The following PAPPA2 variants were observed in gnomAD, a reference collection of about 807,000 sequenced individuals.
PAPPA2 encodes pappalysin 2, also known as pappalysin-2.
PAPPA2 carries 86 observed loss-of-function variants against 176.4 expected under a neutral mutation model. That is an observed-to-expected ratio of 0.49 (90% CI 0.41 to 0.58). The LOEUF is 0.58. Ranked by LOEUF, PAPPA2 falls within the 20% of genes least tolerant of loss-of-function variation. PAPPA2 has a pLI of 0.00. For missense variants in PAPPA2, 2,073 were observed against 2,256.9 expected, an observed-to-expected ratio of 0.92 and a Z score of 1.65; for synonymous variants, 809 against 852.2, an observed-to-expected ratio of 0.95 and a Z score of 0.88.
chr1:176,647,048 G>A (rs984116312), intron 3 of PAPPA2, among the ~76,000 whole-genome samples: 1 of 151,396 alleles, frequency 6.6e-6, no homozygotes, highest in African/African-American at 2.4e-5. Context: ...ACAGTTCCCT[G>A]TTCTCCATAC....
chr1:176,690,339 T>A lies in PAPPA2; in HGVS notation c.2340T>A (p.Ser780Arg), dbSNP rs762352205. The A allele has an allele frequency of 4.3e-6, 7 of 1,613,952 alleles. No homozygotes were observed. Among genetic ancestry groups the A allele is most frequent in the South Asian group, 2.2e-5 (2 of 91,066 alleles). The change falls in exon 5 of 23, where the codon AGT becomes AGA. Residue 780 changes from serine (S) to arginine (R), a missense_variant. Physicochemically the swap from Ser to Arg is moderately radical, Grantham distance 110. Transcript: ENST00000367662. ...LCADTAPTPK[S>R]ELCREPEPTS... ...CCGACACCGCCCCCACTCCCAAGAG[T>A]GAGCTGTGCCGGGAACCAGAGCCCA...
chr1:176,736,011 C>T (rs10913245), intron 12 of PAPPA2, among the ~76,000 whole-genome samples: 34,231 of 151,884 alleles, frequency 0.23, 4,535 homozygotes, highest in African/African-American at 0.36. Flanking sequence ...TTTGTTAAAA[C>T]GAATAGTAAA....
chr1:176,639,075 T>C (rs1177911269), intron 3 of PAPPA2, among the ~76,000 whole-genome samples: 1 of 151,740 alleles, frequency 6.6e-6, no homozygotes. Context: ...AAATAAAAGA[T>C]GAGGCTAAAC....
chr1:176,771,736 C>T (rs772961619), intron 17 of PAPPA2, among the ~76,000 whole-genome samples: 1 of 152,192 alleles, frequency 6.6e-6, no homozygotes, highest in Non-Finnish European at 1.5e-5. Context: ...TTTCTCCTTT[C>T]TTCTTCCTGA....
intron 1 of PAPPA2, among the ~76,000 whole-genome samples, chr1:176,504,043 TA>T (rs1478082710): frequency 6.6e-6 from 1 of 152,154 alleles, no homozygotes; most frequent in East Asian, 1.9e-4. Flanking sequence ...CTCTGGAAAC[TA>T]TGAAGAACTT....
chr1:176,737,302 G>A (rs1662464108), intron 12 of PAPPA2, among the ~76,000 whole-genome samples: 1 of 151,918 alleles, frequency 6.6e-6, no homozygotes, highest in Admixed American at 6.6e-5. Flanking sequence ...TTTCTGCCTG[G>A]CTTACTCTCT....
At chr1:176,678,540 A>G (rs1264312486) in intron 4 of PAPPA2, among the ~76,000 whole-genome samples, 2 of 152,070 alleles carry the variant, frequency 1.3e-5, no homozygotes, top group African/African-American at 2.4e-5. Flanking sequence ...ACTGTTAAAC[A>G]TCAGCCTAAG....
intron 2 of PAPPA2, among the ~76,000 whole-genome samples, chr1:176,560,814 A>G (rs1414644547): frequency 6.6e-6 from 1 of 152,190 alleles, no homozygotes; most frequent in Non-Finnish European, 1.5e-5. Flanking sequence ...CTCACCCATA[A>G]TTGATTTCAA....
Position 176,594,898 on chromosome 1 carries a change from GC to G in PAPPA2, c.1297del (p.Leu433CysfsTer24). On this transcript the variant is annotated frameshift_variant, in exon 3 of 23. Transcript: ENST00000367662. LOFTEE classifies it high-confidence loss of function. ...GGGCACACTGGTTTTCTGGTCGACC[GC>G]CCTGCCACAAAGCCATTTTCAGCAC... ...HLGTLVFWSTALPQSHFQHSS... is the reference protein window; with the variant it reads ...HLGTLVFWSTXLPQSHFQHSS... The G allele has an allele frequency of 6.2e-7, 1 of 1,614,040 alleles. No individual in the cohort carries two copies. Among genetic ancestry groups the G allele is most frequent in the Non-Finnish European group, 8.5e-7 (1 of 1,180,018 alleles).
intron 12 of PAPPA2, among the ~76,000 whole-genome samples, chr1:176,730,224 C>T (rs1359634441): frequency 1.3e-5 from 2 of 151,816 alleles, no homozygotes; most frequent in Non-Finnish European, 2.9e-5. Flanking sequence ...TTTGGCAGAG[C>T]CTACCTGTAA....
At chr1:176,746,203 A>G (rs1276103248) in intron 14 of PAPPA2, among the ~76,000 whole-genome samples, 2 of 152,186 alleles carry the variant, frequency 1.3e-5, no homozygotes, top group Non-Finnish European at 2.9e-5. Context: ...GTGACATGCT[A>G]GCTGGTAAAG....
chr1:176,519,255 T>C (rs1649085544), intron 1 of PAPPA2, among the ~76,000 whole-genome samples: 2 of 152,168 alleles, frequency 1.3e-5, no homozygotes, highest in African/African-American at 2.4e-5. Context: ...AATACCATGG[T>C]CAAGTGCAGT....
At chr1:176,798,749 C>T (rs1039155536) in intron 20 of PAPPA2, among the ~76,000 whole-genome samples, 4 of 152,052 alleles carry the variant, frequency 2.6e-5, no homozygotes, top group African/African-American at 9.7e-5. Context: ...TTGTGTTTAC[C>T]TTATATATTT....
intron 3 of PAPPA2, among the ~76,000 whole-genome samples, chr1:176,620,698 T>A (rs1443016876): frequency 6.6e-6 from 1 of 152,192 alleles, no homozygotes; most frequent in African/African-American, 2.4e-5. Context: ...CCTATGTTAA[T>A]CTGTCTCACC....
intron 3 of PAPPA2, among the ~76,000 whole-genome samples, chr1:176,617,756 G>A (rs938984364): frequency 6.6e-6 from 1 of 152,138 alleles, no homozygotes; most frequent in African/African-American, 2.4e-5. Context: ...AAACATGTGT[G>A]TGCAAGTGTA....
At chr1:176,520,607 T>C (rs993442442) in intron 1 of PAPPA2, among the ~76,000 whole-genome samples, 1 of 152,150 alleles carries the variant, frequency 6.6e-6, no homozygotes, top group Non-Finnish European at 1.5e-5. Flanking sequence ...GGTGAACTCA[T>C]GTTTTTTGGG....
At chr1:176,670,497 C>CT (rs1467147790) in intron 3 of PAPPA2, among the ~76,000 whole-genome samples, 1 of 152,058 alleles carries the variant, frequency 6.6e-6, no homozygotes. Context: ...CCTCTATTTC[C>CT]TTTTTTCTTT....
At chr1:176,740,269 T>G (rs985845233) in intron 14 of PAPPA2, 73 bp downstream of exon 14, 7 of 1,407,688 alleles carry the variant, frequency 5.0e-6, no homozygotes, top group Non-Finnish European at 6.9e-6. Flanking sequence ...TTACATAGTG[T>G]TATGTATAGA....
chr1:176,789,851 G>A lies in PAPPA2; in HGVS notation c.4758G>A (p.Glu1586=), dbSNP rs1665097227. The A allele has an allele frequency of 1.2e-6, 2 of 1,614,092 alleles. No individual in the cohort carries two copies. Among genetic ancestry groups the A allele is most frequent in the South Asian group, 1.1e-5 (1 of 91,074 alleles). Residue 1586 remains glutamate (E), a synonymous_variant, in exon 18 of 23, where the codon GAG becomes GAA. Coordinates refer to ENST00000367662, the MANE Select transcript of PAPPA2 (RefSeq NM_020318.3). ...KIQCLEGGIW[E]QGSCIPVVCE... ...AATGCCTGGAAGGTGGAATCTGGGA[G>A]CAAGGCAGCTGCATTCCTGTGGTGT...
Sources: allele counts gnomAD v4.1 joint callset (sites outside exome capture counted in the v4.1 genomes callset), GRCh38; gene constraint gnomAD v4.1.1; transcripts MANE v1.5; gene names NCBI Gene and HGNC (gene_info 2026-07-23, HGNC 2026-07-21).